Variants in CLDN10 observed in about 807,000 individuals in gnomAD.
CLDN10 encodes claudin-10.
A neutral mutation model predicts 22.9 loss-of-function variants in CLDN10; 15 were observed. The ratio of observed to expected loss-of-function variants is 0.65; its 90% CI spans 0.44 to 1.01. The LOEUF is 1.01. Ranked by LOEUF, CLDN10 falls within the 50% of genes least tolerant of loss-of-function variation. The pLI, the probability that CLDN10 is intolerant of heterozygous loss-of-function variation, is 0.00. For synonymous variants in CLDN10, 114 were observed against 111.4 expected, an observed-to-expected ratio of 1.02 and a Z score of -0.15; for missense variants, 247 against 287.8, an observed-to-expected ratio of 0.86 and a Z score of 1.03.
At chr13:95,485,455 G>A (rs183325839) in intron 1 of CLDN10, among the ~76,000 whole-genome samples, 1 of 152,172 alleles carries the variant, frequency 6.6e-6, no homozygotes, top group Admixed American at 6.5e-5. Flanking sequence ...ACAGGTCTAT[G>A]AGTCATTGGA....
intron 1 of CLDN10, among the ~76,000 whole-genome samples, chr13:95,480,423 C>T (rs1252957912): frequency 6.6e-6 from 1 of 152,176 alleles, no homozygotes; most frequent in Non-Finnish European, 1.5e-5. Flanking sequence ...CAGCTCACAC[C>T]CAGAGCTGGG....
At chr13:95,560,769 TCAGA>T in intron 3 of CLDN10, 1 of 291,570 alleles carries the variant, frequency 3.4e-6, no homozygotes, top group Non-Finnish European at 6.5e-6. Context: ...GTGAAAGGTG[TCAGA>T]CGGAGAGGAA....
chr13:95,493,190 C>T (rs2042894381), intron 1 of CLDN10, among the ~76,000 whole-genome samples: 1 of 152,138 alleles, frequency 6.6e-6, no homozygotes, highest in African/African-American at 2.4e-5. Flanking sequence ...ACCCCTGCCG[C>T]TACCGCCAAG....
At chr13:95,506,037 G>A (rs550991727) in intron 1 of CLDN10, among the ~76,000 whole-genome samples, 138 of 152,266 alleles carry the variant, frequency 9.1e-4, no homozygotes, top group Non-Finnish European at 1.7e-3. Context: ...ATTGCGCCTG[G>A]CTCCTTTCTG....
chr13:95,455,997 G>A (rs1348432997), intron 1 of CLDN10, among the ~76,000 whole-genome samples: 1 of 152,198 alleles, frequency 6.6e-6, no homozygotes, highest in Non-Finnish European at 1.5e-5. Context: ...TGCTAGCTAA[G>A]TTAGACTTCA....
At chr13:95,443,440 G>A (rs2042343153) in intron 1 of CLDN10, among the ~76,000 whole-genome samples, 1 of 152,212 alleles carries the variant, frequency 6.6e-6, no homozygotes, top group African/African-American at 2.4e-5. Context: ...CACAGACATG[G>A]AAATAACTGT....
intron 1 of CLDN10, among the ~76,000 whole-genome samples, chr13:95,442,905 A>G (rs1056904314): frequency 6.6e-6 from 1 of 152,262 alleles, no homozygotes; most frequent in Admixed American, 6.5e-5. Flanking sequence ...AACGCTTTAC[A>G]TCATGAGCAG....
chr13:95,443,816 AT>A (rs1202520461), intron 1 of CLDN10, among the ~76,000 whole-genome samples: 1 of 152,120 alleles, frequency 6.6e-6, no homozygotes, highest in Non-Finnish European at 1.5e-5. Context: ...GTGGGGGGTC[AT>A]TTGCTATCTG....
intron 3 of CLDN10, among the ~76,000 whole-genome samples, chr13:95,569,873 A>G (rs2043832985): frequency 6.6e-6 from 1 of 151,906 alleles, no homozygotes; most frequent in African/African-American, 2.4e-5. Flanking sequence ...GGTTCACGCC[A>G]TTCTCCTGCC....
intron 1 of CLDN10, among the ~76,000 whole-genome samples, chr13:95,538,161 T>C (rs1256502610): frequency 7.5e-6 from 1 of 133,098 alleles, no homozygotes; most frequent in African/African-American, 2.8e-5. Context: ...TTCTTTTTTT[T>C]TTTTTTTTTT....
rs142683373 is a variant in CLDN10 at position 95,482,296 on chromosome 13, A to C, written c.214+48249A>C. On this transcript the variant is annotated intron_variant, in intron 1 of 4. Coordinates refer to the CLDN10 transcript ENST00000376873. ...TTTTTTACATAGGCTATACAGAAAC[A>C]GGTCTGGATGGGGAGGTTAGATTTG... Among the ~76,000 whole-genome samples, 795 of 152,286 alleles carry C rather than the reference A, an allele frequency of 5.2e-3. 8 individuals carry two copies. The highest frequency in any genetic ancestry group is 0.018 in the African/African-American group (765 of 41,554).
Position 95,491,300 on chromosome 13 carries a change from T to C in CLDN10, c.214+57253T>C, listed in dbSNP as rs192175179. ...CTTCCTCCTCAGGAACATTGATTATTCTTAGGTTTGGTCATTTAACATAAT... is the reference window on the plus strand; with the variant it reads ...CTTCCTCCTCAGGAACATTGATTATCCTTAGGTTTGGTCATTTAACATAAT... On this transcript the variant is annotated intron_variant, in intron 1 of 4. Coordinates refer to the CLDN10 transcript ENST00000376873. Among the ~76,000 whole-genome samples the C allele has an allele frequency of 2.6e-3, 398 of 152,104 alleles. 6 individuals carry two copies. In the South Asian group the frequency reaches 0.051, roughly 20 times the overall value.
intron 1 of CLDN10, 66 bp downstream of exon 1, chr13:95,553,039 C>G (rs1288647872): frequency 1.3e-6 from 2 of 1,578,482 alleles, no homozygotes; most frequent in African/African-American, 1.3e-5. Context: ...TAGGCGCCCT[C>G]TCGCCCCCAA....
intron 1 of CLDN10, among the ~76,000 whole-genome samples, chr13:95,515,613 T>C (rs1477203935): frequency 1.2e-4 from 18 of 152,150 alleles, no homozygotes; most frequent in Admixed American, 1.2e-3. Context: ...CTGTGGTCAC[T>C]GAAAAGTCTT....
chr13:95,556,155 C>T (rs2043637169), intron 1 of CLDN10, among the ~76,000 whole-genome samples: 1 of 152,100 alleles, frequency 6.6e-6, no homozygotes, highest in African/African-American at 2.4e-5. Context: ...AAGCAATTCT[C>T]CTGCCTCAGC....
intron 3 of CLDN10, among the ~76,000 whole-genome samples, chr13:95,567,643 A>G (rs2043803159): frequency 6.6e-6 from 1 of 152,218 alleles, no homozygotes; most frequent in Non-Finnish European, 1.5e-5. Context: ...CCCTGGCCAG[A>G]ACTTCCAACA....
intron 1 of CLDN10, among the ~76,000 whole-genome samples, chr13:95,532,664 CA>C (rs1168830338): frequency 6.6e-6 from 1 of 151,768 alleles, no homozygotes; most frequent in Non-Finnish European, 1.5e-5. Context: ...AACATGTTCA[CA>C]AAAAAACTTG....
rs986319237 is a variant in CLDN10 at position 95,553,107 on chromosome 13, C to A, written c.220+134C>A. The A allele has an allele frequency of 7.2e-6, 9 of 1,245,186 alleles. No homozygotes were observed. The African/African-American group carries it at 1.2e-4, about 16-fold the overall frequency. 77.1% of individuals were successfully genotyped at this position (1,245,186 alleles called of 1,614,324 possible). A position where few individuals can be genotyped will look rare whatever the true frequency, so the allele number is the denominator to read the frequency against. On this transcript the variant is annotated intron_variant, in intron 1 of 4. Transcript: ENST00000299339. ...CTGAGGCCCGACCCGTCTCTCCCAA[C>A]AGGGCCTTAGGGAGCCAGGGACGCT...
intron 1 of CLDN10, among the ~76,000 whole-genome samples, chr13:95,525,460 A>G (rs2043270778): frequency 1.3e-5 from 2 of 151,970 alleles, no homozygotes. Flanking sequence ...CCCAAATGAC[A>G]TGTAAGTGAG....
Sources: gnomAD v4.1 joint callset for allele counts (sites outside exome capture counted in the v4.1 genomes callset) on GRCh38, gnomAD v4.1.1 for gene constraint, MANE v1.5 for transcripts, NCBI Gene and HGNC (gene_info 2026-07-23, HGNC 2026-07-21) for gene names.